Variants in PLEKHG1 observed in about 807,000 individuals in gnomAD.
PLEKHG1 encodes pleckstrin homology and RhoGEF domain containing G1.
Under a neutral mutation model 100.8 loss-of-function variants are expected in PLEKHG1, and 44 were observed. The observed-to-expected ratio is 0.44, with a 90% confidence interval of 0.34 to 0.56. PLEKHG1 has a LOEUF of 0.56. Ranked by LOEUF, PLEKHG1 falls within the 20% of genes least tolerant of loss-of-function variation. The pLI, the probability that PLEKHG1 is intolerant of heterozygous loss-of-function variation, is 0.01. For missense variants in PLEKHG1, 1,545 were observed against 1,720.9 expected, an observed-to-expected ratio of 0.90 and a Z score of 1.81; for synonymous variants, 640 against 662.5, an observed-to-expected ratio of 0.97 and a Z score of 0.52.
intron 2 of PLEKHG1, among the ~76,000 whole-genome samples, chr6:150,756,149 C>G (rs549623465): frequency 1.3e-5 from 2 of 151,656 alleles, no homozygotes; most frequent in East Asian, 3.9e-4. Flanking sequence ...GACAGTATGA[C>G]AGAAGGACAT....
intron 3 of PLEKHG1, among the ~76,000 whole-genome samples, chr6:150,774,088 G>A (rs537762810): frequency 2.1e-4 from 32 of 152,100 alleles, no homozygotes; most frequent in Non-Finnish European, 4.4e-4. Flanking sequence ...TTCTAAGAGT[G>A]GTTCATAGAT....
chr6:150,733,912 G>A, exon 2 of PLEKHG1: 1 of 1,614,238 alleles, frequency 6.2e-7, no homozygotes, highest in Non-Finnish European at 8.5e-7. Flanking sequence ...CGGGGCAACA[G>A]AACGCGGATG....
intron 2 of PLEKHG1, among the ~76,000 whole-genome samples, chr6:150,760,569 A>G (rs1342032969): frequency 6.6e-6 from 1 of 151,798 alleles, no homozygotes; most frequent in Non-Finnish European, 1.5e-5. Flanking sequence ...TTTAAAATAC[A>G]TAGTCTTCGA....
chr6:150,781,334 G>A (rs1046220081), intron 3 of PLEKHG1, among the ~76,000 whole-genome samples: 5 of 151,314 alleles, frequency 3.3e-5, no homozygotes, highest in Admixed American at 2.6e-4. Context: ...GTGAAACCCC[G>A]TCTCTACTAA....
intron 3 of PLEKHG1, among the ~76,000 whole-genome samples, chr6:150,654,822 T>A (rs1315413084): frequency 6.6e-6 from 1 of 152,220 alleles, no homozygotes; most frequent in Non-Finnish European, 1.5e-5. Flanking sequence ...ATAAGTAACT[T>A]GTTGTATTGA....
intron 1 of PLEKHG1, chr6:150,633,003 T>C (rs1009465058): frequency 6.6e-6 from 1 of 152,140 alleles, no homozygotes; most frequent in African/African-American, 2.4e-5. Flanking sequence ...AAATACCTTA[T>C]GCAGTGCTTT....
intron 2 of PLEKHG1, among the ~76,000 whole-genome samples, chr6:150,639,346 A>G (rs1225760349): frequency 1.3e-5 from 2 of 152,208 alleles, no homozygotes; most frequent in East Asian, 1.9e-4. Flanking sequence ...GACAATGAAC[A>G]TATTCATGGA....
At chr6:150,712,094 C>T (rs956115842) in intron 3 of PLEKHG1, among the ~76,000 whole-genome samples, 1 of 152,150 alleles carries the variant, frequency 6.6e-6, no homozygotes, top group African/African-American at 2.4e-5. Context: ...AGAGAGACGA[C>T]AACAGTGGGA....
intron 3 of PLEKHG1, among the ~76,000 whole-genome samples, chr6:150,701,468 A>ATAG (rs1780787291): frequency 6.8e-5 from 3 of 44,088 alleles, no homozygotes; most frequent in Non-Finnish European, 1.4e-4. Context: ...TATATATATA[A>ATAG]TTATACTTTA....
At chr6:150,636,786 C>T (rs573377238) in intron 1 of PLEKHG1, among the ~76,000 whole-genome samples, 1 of 152,276 alleles carries the variant, frequency 6.6e-6, no homozygotes, top group African/African-American at 2.4e-5. Context: ...TTTTAAAAAT[C>T]TAAAGTTTGG....
intron 3 of PLEKHG1, chr6:150,664,253 C>T (rs1779315327): frequency 6.6e-6 from 1 of 152,224 alleles, no homozygotes; most frequent in African/African-American, 2.4e-5. Flanking sequence ...TACATATTGT[C>T]CCTTCTTTTG....
chr6:150,801,443 T>C (rs990925897), intron 6 of PLEKHG1, among the ~76,000 whole-genome samples: 5 of 148,108 alleles, frequency 3.4e-5, no homozygotes, highest in African/African-American at 5.0e-5. Context: ...TTTTCTTTTT[T>C]TTTTTTTTTT....
chr6:150,809,259 A>G (rs1286363577), exon 8 of PLEKHG1: 3 of 1,614,040 alleles, frequency 1.9e-6, no homozygotes, highest in Non-Finnish European at 8.5e-7. Context: ...AAGAGAGATG[A>G]CACGTTTACA....
chr6:150,710,420 G>A (rs1452008811), intron 3 of PLEKHG1, among the ~76,000 whole-genome samples: 2 of 152,086 alleles, frequency 1.3e-5, no homozygotes, highest in African/African-American at 2.4e-5. Flanking sequence ...AGTTTACATT[G>A]TGATTTACTA....
intron 4 of PLEKHG1, among the ~76,000 whole-genome samples, chr6:150,791,659 G>T (rs1161210085): frequency 7.0e-6 from 1 of 141,892 alleles, no homozygotes; most frequent in Non-Finnish European, 1.5e-5. Flanking sequence ...GGCAGAGCAA[G>T]ACTCTGTCTC....
chr6:150,658,230 T>G (rs1414747098), intron 3 of PLEKHG1, among the ~76,000 whole-genome samples: 1 of 152,220 alleles, frequency 6.6e-6, no homozygotes, highest in Non-Finnish European at 1.5e-5. Context: ...CAGGAAAGCC[T>G]GTTCTAGAGG....
At chr6:150,684,589 C>T (rs1158862024) in intron 3 of PLEKHG1, among the ~76,000 whole-genome samples, 1 of 152,086 alleles carries the variant, frequency 6.6e-6, no homozygotes, top group Non-Finnish European at 1.5e-5. Flanking sequence ...CTGTGTCTCC[C>T]CTTGGACTTC....
intron 3 of PLEKHG1, among the ~76,000 whole-genome samples, chr6:150,668,403 T>G (rs1779481105): frequency 6.6e-6 from 1 of 152,206 alleles, no homozygotes; most frequent in Non-Finnish European, 1.5e-5. Context: ...CAGTTCCCTT[T>G]GTAAGTTTCT....
chr6:150,644,934 T>C (rs371034755), intron 2 of PLEKHG1, among the ~76,000 whole-genome samples: 50 of 152,350 alleles, frequency 3.3e-4, no homozygotes, highest in African/African-American at 1.1e-3. Context: ...TTTTCTCATA[T>C]GTAGATCTAG....
Sources: gnomAD v4.1 joint callset for allele counts (sites outside exome capture counted in the v4.1 genomes callset) on GRCh38, gnomAD v4.1.1 for gene constraint, MANE v1.5 for transcripts, NCBI Gene and HGNC (gene_info 2026-07-23, HGNC 2026-07-21) for gene names.